The following DNM2 variants were observed in gnomAD, a reference collection of about 807,000 sequenced individuals.
DNM2 encodes the protein dynamin 2, also known as dynamin-2.
DNM2 carries 15 observed loss-of-function variants against 99.0 expected under a neutral mutation model. The observed-to-expected ratio is 0.15, with a 90% confidence interval of 0.10 to 0.23. The LOEUF (loss-of-function observed/expected upper bound fraction) is 0.23. Ranked by LOEUF, DNM2 falls within the 10% of genes least tolerant of loss-of-function variation. The pLI, the probability that DNM2 is intolerant of heterozygous loss-of-function variation, is 1.00. For missense variants in DNM2, 742 were observed against 1,189.4 expected, an observed-to-expected ratio of 0.62 and a Z score of 5.53; for synonymous variants, 525 against 481.2, an observed-to-expected ratio of 1.09 and a Z score of -1.19.
intron 1 of DNM2, among the ~76,000 whole-genome samples, chr19:10,718,999 CT>C (rs896490135): frequency 3.3e-5 from 5 of 152,302 alleles, no homozygotes; most frequent in Non-Finnish European, 5.9e-5. Flanking sequence ...CCCTCACAGA[CT>C]TTAACACTGA....
At chr19:10,783,458 C>A (rs1252809080) in intron 6 of DNM2, among the ~76,000 whole-genome samples, 2 of 152,066 alleles carry the variant, frequency 1.3e-5, no homozygotes, top group African/African-American at 2.4e-5. Flanking sequence ...TAGAGTGAGA[C>A]CCTGTTTCAA....
At chr19:10,790,133 A>AC (rs2071700379) in intron 7 of DNM2, among the ~76,000 whole-genome samples, 1 of 152,224 alleles carries the variant, frequency 6.6e-6, no homozygotes, top group Admixed American at 6.5e-5. Context: ...TTCACGCCTT[A>AC]CAAGAGAACG....
At position 10,830,935 on chromosome 19, in the gene DNM2, ACT is replaced by A; in HGVS notation, c.2544-42_2544-41del. The A allele has an allele frequency of 6.3e-7, 1 of 1,587,618 alleles. No individual in the cohort carries two copies. The highest frequency in any genetic ancestry group is 8.6e-7 in the Non-Finnish European group (1 of 1,166,114). On this transcript the variant is annotated intron_variant, in intron 20 of 20. Transcript: ENST00000389253. The surrounding 1 kb of genome is among the most constrained non-coding windows in gnomAD (Gnocchi z 4.8). Reference sequence around the variant, plus strand: ...AGGCCTGCCTCTTGCTCCCGGCCTCACTGCCGTCTCCCCCTCCCCACCTGTCT... The same window carrying A: ...AGGCCTGCCTCTTGCTCCCGGCCTCAGCCGTCTCCCCCTCCCCACCTGTCT...
At position 10,765,039 on chromosome 19, in the gene DNM2, G is replaced by A. The variant is rs908954503; in HGVS notation, c.235+5228G>A. Among the ~76,000 whole-genome samples, 10 of 150,932 alleles carry A rather than the reference G, an allele frequency of 6.6e-5. No homozygotes were observed. Among genetic ancestry groups the A allele is most frequent in the Non-Finnish European group, 1.5e-4 (10 of 67,804 alleles). On this transcript the variant is annotated intron_variant, in intron 2 of 20. Transcript: ENST00000389253. The surrounding 1 kb of genome is among the most constrained non-coding windows in gnomAD (Gnocchi z 4.4). ...GTGGCGCCATCTCAGCTCACTGCAA[G>A]CTCCGCCTCCCGGGTTCACACCATG...
chr19:10,784,967 G>C (rs1434937446), intron 6 of DNM2, among the ~76,000 whole-genome samples: 1 of 151,812 alleles, frequency 6.6e-6, no homozygotes, highest in Non-Finnish European at 1.5e-5. Context: ...GGGATTACAG[G>C]CGTGCGCCAC....
rs1474233595 is a variant in DNM2 at position 10,818,593 on chromosome 19, C to G, written c.1672-1387C>G. 6.6e-6 allele frequency among the ~76,000 whole-genome samples: 1 copy of G among 152,234 alleles called. No homozygotes were observed. Among genetic ancestry groups the G allele is most frequent in the Non-Finnish European group, 1.5e-5 (1 of 68,048 alleles). On this transcript the variant is annotated intron_variant, in intron 15 of 20. Coordinates refer to ENST00000389253, the MANE Select transcript of DNM2 (RefSeq NM_001005361.3). The surrounding 1 kb of genome is among the most constrained non-coding windows in gnomAD (Gnocchi z 4.3). ...AAGCCCACTGCTTCATCCTGGCTCC[C>G]CTTGCAAAGTCCTGACAGTCCCAGC...
intron 8 of DNM2, among the ~76,000 whole-genome samples, chr19:10,794,098 A>G (rs566051288): frequency 6.6e-6 from 1 of 152,342 alleles, no homozygotes; most frequent in South Asian, 2.1e-4. Context: ...AAGCCAATAT[A>G]CATTCTTTGC....
At chr19:10,798,014 T>G (rs79749400) in intron 10 of DNM2, among the ~76,000 whole-genome samples, 13,436 of 152,102 alleles carry the variant, frequency 0.088, 994 homozygotes, top group African/African-American at 0.2. Context: ...TTGGCGAGTG[T>G]GTGCCACAGA....
chr19:10,718,574 T>TC (rs2068829816), intron 1 of DNM2, 171 bp downstream of exon 1: 2 of 991,792 alleles, frequency 2.0e-6, no homozygotes, highest in Non-Finnish European at 1.3e-6. Flanking sequence ...GGCAGAGGAC[T>TC]CCCTGCAGGG....
At chr19:10,761,723 C>T (rs10418609) in intron 2 of DNM2, among the ~76,000 whole-genome samples, 142,754 of 152,212 alleles carry the variant, frequency 0.94, 67,191 homozygotes, top group East Asian at 1. Context: ...TGCATCCAGG[C>T]AGATCTGACC....
intron 1 of DNM2, among the ~76,000 whole-genome samples, chr19:10,721,348 G>T (rs2068933894): frequency 1.3e-5 from 2 of 152,076 alleles, no homozygotes; most frequent in South Asian, 4.1e-4. Context: ...GCAGAGATGG[G>T]GTTTCACCAT....
Position 10,830,878 on chromosome 19 carries a change from T to C in DNM2, c.2544-100T>C. 1 of 1,385,650 alleles carries C rather than the reference T, an allele frequency of 7.2e-7. No homozygotes were observed. Among genetic ancestry groups the C allele is most frequent in the Non-Finnish European group, 9.8e-7 (1 of 1,022,706 alleles). The allele number at this position is 1,385,650 out of a possible 1,614,324, so 85.8% of individuals were successfully genotyped here. A position where few individuals can be genotyped will look rare whatever the true frequency, so the allele number is the denominator to read the frequency against. ...AGGTCAGCCTGGGAACACCCTGGGG[T>C]GGTGTGTGGGTGGGGGCTGGGTCCT... On this transcript the variant is annotated intron_variant, in intron 20 of 20. Coordinates refer to ENST00000389253, the MANE Select transcript of DNM2 (RefSeq NM_001005361.3). The surrounding 1 kb of genome is among the most constrained non-coding windows in gnomAD (Gnocchi z 4.8).
chr19:10,789,876 C>T (rs1338260187), intron 7 of DNM2, among the ~76,000 whole-genome samples: 1 of 152,180 alleles, frequency 6.6e-6, no homozygotes, highest in Non-Finnish European at 1.5e-5. Flanking sequence ...AATTTAAATA[C>T]TACTTGTTAA....
intron 1 of DNM2, among the ~76,000 whole-genome samples, chr19:10,736,862 T>A (rs936479790): frequency 6.6e-6 from 1 of 152,112 alleles, no homozygotes; most frequent in African/African-American, 2.4e-5. Context: ...AGAATATCCT[T>A]CCTAGCTGGG....
At chr19:10,791,368 G>C (rs2071746408) in intron 7 of DNM2, among the ~76,000 whole-genome samples, 1 of 152,096 alleles carries the variant, frequency 6.6e-6, no homozygotes, top group Non-Finnish European at 1.5e-5. Flanking sequence ...GATTACAGGA[G>C]TGCACCACCA....
At chr19:10,780,144 C>A (rs2071315456) in intron 5 of DNM2, 1 of 152,460 alleles carries the variant, frequency 6.6e-6, no homozygotes, top group Admixed American at 6.5e-5. Context: ...TCCCCCAGCA[C>A]TGCTGAGATA....
At position 10,816,280 on chromosome 19, in the gene DNM2, A is replaced by G. The variant is rs967565315; in HGVS notation, c.1672-3700A>G. 5.9e-5 allele frequency among the ~76,000 whole-genome samples: 9 copies of G among 152,042 alleles called. No individual in the cohort carries two copies. Among genetic ancestry groups the G allele is most frequent in the African/African-American group, 1.7e-4 (7 of 41,404 alleles). ...GGGTGAAAGGATCATCCCGCTCCAC[A>G]TGAGGCCAGACGCTCATCTCTGGAA... is the stretch of plus-strand genomic sequence containing the variant. On this transcript the variant is annotated intron_variant, in intron 15 of 20. Coordinates refer to ENST00000389253, the MANE Select transcript of DNM2 (RefSeq NM_001005361.3). The surrounding 1 kb of genome is among the most constrained non-coding windows in gnomAD (Gnocchi z 4.6).
intron 1 of DNM2, among the ~76,000 whole-genome samples, chr19:10,756,159 G>A (rs1314622068): frequency 6.6e-6 from 1 of 152,120 alleles, no homozygotes; most frequent in African/African-American, 2.4e-5. Context: ...ATGCTAAGAG[G>A]TGACTTTGGG....
chr19:10,800,686 G>C (rs1328670418), intron 11 of DNM2, among the ~76,000 whole-genome samples: 1 of 152,264 alleles, frequency 6.6e-6, no homozygotes, highest in East Asian at 1.9e-4. Context: ...GGCCAGGGGA[G>C]TCCAGTGACG....
Sources: allele counts gnomAD v4.1 joint callset (sites outside exome capture counted in the v4.1 genomes callset), GRCh38; gene constraint gnomAD v4.1.1; non-coding constraint Gnocchi (gnomAD v3.1); transcripts MANE v1.5; gene names NCBI Gene and HGNC (gene_info 2026-07-23, HGNC 2026-07-21).